The following PADI1 variants were observed in gnomAD, a reference collection of about 807,000 sequenced individuals.
PADI1 encodes the protein protein-arginine deiminase type-1.
A neutral mutation model predicts 74.8 loss-of-function variants in PADI1; 65 were observed. The observed-to-expected ratio is 0.87, with a 90% CI of 0.71 to 1.07. The LOEUF (loss-of-function observed/expected upper bound fraction) is 1.07. Among genes scored for constraint, PADI1 ranks in the 50% least tolerant of loss-of-function variants. The pLI is 0.00. For synonymous variants in PADI1, 371 were observed against 336.2 expected (o/e 1.10, Z -1.13); for missense variants, 943 against 854.0 (o/e 1.10, Z -1.30).
chr1:17,212,032 A>G (rs923168737), intron 1 of PADI1, among the ~76,000 whole-genome samples: 9 of 152,204 alleles, frequency 5.9e-5, no homozygotes, highest in African/African-American at 2.2e-4. Context: ...AGGCAGAGCC[A>G]CTGGCAGCAC....
intron 13 of PADI1, 100 bp downstream of exon 13, chr1:17,238,809 A>G (rs557752360): frequency 1.7e-5 from 9 of 518,984 alleles, no homozygotes; most frequent in African/African-American, 1.2e-4. Context: ...CTGGACTCAG[A>G]ACCCAACACC....
intron 13 of PADI1, among the ~76,000 whole-genome samples, chr1:17,239,112 C>T (rs2072719791): frequency 6.6e-6 from 1 of 152,190 alleles, no homozygotes; most frequent in Admixed American, 6.5e-5. Flanking sequence ...TTGGTCAGGG[C>T]CCCTCTGCAG....
chr1:17,208,974 A>G (rs2071762922), intron 1 of PADI1, among the ~76,000 whole-genome samples: 1 of 152,200 alleles, frequency 6.6e-6, no homozygotes, highest in African/African-American at 2.4e-5. Context: ...CAAAAGCAGC[A>G]ATGCAAGACT....
intron 1 of PADI1, among the ~76,000 whole-genome samples, chr1:17,216,696 C>G (rs1414981685): frequency 2.0e-5 from 3 of 152,020 alleles, no homozygotes; most frequent in African/African-American, 7.3e-5. Context: ...CATGGCGAAA[C>G]CCCATCTCTA....
chr1:17,226,175 G>A lies in PADI1; in HGVS notation c.652+17G>A. 1 of 1,613,572 alleles carries A rather than the reference G, an allele frequency of 6.2e-7. No individual in the cohort carries two copies. Among genetic ancestry groups the A allele is most frequent in the Non-Finnish European group, 8.5e-7 (1 of 1,179,666 alleles). ...GTGCCAGGGGTGAGTGGCCTGATGGGGCCTTTTCCTCCCAGCTCCATCCAT... is the reference window on the plus strand; with the variant it reads ...GTGCCAGGGGTGAGTGGCCTGATGGAGCCTTTTCCTCCCAGCTCCATCCAT... On this transcript the variant is annotated intron_variant, in intron 6 of 15. Coordinates refer to ENST00000375471, the MANE Select transcript of PADI1 (RefSeq NM_013358.3).
intron 1 of PADI1, among the ~76,000 whole-genome samples, chr1:17,206,911 C>T (rs978492281): frequency 6.6e-6 from 1 of 152,018 alleles, no homozygotes. Context: ...AAACTCCTGA[C>T]CTCAAGTGAT....
At chr1:17,218,795 C>T (rs545477446) in intron 1 of PADI1, among the ~76,000 whole-genome samples, 1 of 152,226 alleles carries the variant, frequency 6.6e-6, no homozygotes, top group South Asian at 2.1e-4. Flanking sequence ...CAGTGATGCC[C>T]TTGAGTAGGG....
chr1:17,237,398 C>A lies in PADI1; in HGVS notation c.1398C>A (p.Asp466Glu), dbSNP rs778979984. The part of the protein sequence containing the change: ...QVQAPVELYS[D>E]WLSVGHVDEF... ...AGGCACCCGTGGAGCTCTACTCGGA[C>A]TGGCTCTCTGTGGGCCATGTGGACG... Residue 466 changes from aspartate to glutamate, a missense_variant, in exon 12 of 16, where the codon GAC becomes GAA. Asp to Glu is a conservative substitution (Grantham distance 45). Transcript: ENST00000375471. 1.2e-6 allele frequency: 2 copies of A among 1,613,836 alleles called. No individual in the cohort carries two copies. Among genetic ancestry groups the A allele is most frequent in the South Asian group, 2.2e-5 (2 of 91,024 alleles).
intron 1 of PADI1, 28 bp downstream of exon 1, chr1:17,205,337 T>G (rs1250847302): frequency 3.8e-6 from 6 of 1,562,856 alleles, no homozygotes; most frequent in Non-Finnish European, 5.3e-6. Context: ...CTCTCCTGGC[T>G]GCAGAGAGCT....
chr1:17,240,496 T>G (rs2100530769), intron 14 of PADI1, 139 bp from the exon 15 acceptor site: 2 of 879,362 alleles, frequency 2.3e-6, no homozygotes, highest in East Asian at 2.7e-5. Flanking sequence ...CAGCAATGGT[T>G]TCTATTGCAC....
At chr1:17,232,759 T>G (rs1400416344) in intron 10 of PADI1, 60 bp from the exon 11 acceptor site, 2 of 1,506,476 alleles carry the variant, frequency 1.3e-6, no homozygotes, top group Non-Finnish European at 1.8e-6. Context: ...AAGAACTGCC[T>G]CGTCCTGTCC....
chr1:17,213,241 C>G (rs1166199444), intron 1 of PADI1, among the ~76,000 whole-genome samples: 1 of 147,908 alleles, frequency 6.8e-6, no homozygotes, highest in African/African-American at 2.5e-5. Flanking sequence ...AGCTGATCAG[C>G]TCCAAGCCTG....
At chr1:17,215,680 G>T (rs556739134) in intron 1 of PADI1, among the ~76,000 whole-genome samples, 49 of 152,228 alleles carry the variant, frequency 3.2e-4, no homozygotes, top group Middle Eastern at 3.4e-3. Flanking sequence ...CCACCTCCCC[G>T]CTGGGCAGTC....
rs2072849574 is a variant in PADI1, at chr1:17,244,699, A to G, written c.*456A>G. The G allele has an allele frequency of 2.8e-6, 1 of 351,834 alleles. No homozygotes were observed. Among genetic ancestry groups the G allele is most frequent in the Non-Finnish European group, 5.6e-6 (1 of 178,818 alleles). The allele number at this position is 351,834 out of a possible 1,614,324, so 21.8% of individuals were successfully genotyped here. On this transcript the variant is annotated 3_prime_UTR_variant, in exon 16 of 16. Transcript: ENST00000375471. ...GCCTCTGCTCTTGGAAAACTAGGAAAGGGGATCAGAAACATCCTCTCCCCG... is the reference window on the plus strand; with the variant it reads ...GCCTCTGCTCTTGGAAAACTAGGAAGGGGGATCAGAAACATCCTCTCCCCG...
intron 11 of PADI1, among the ~76,000 whole-genome samples, chr1:17,234,946 G>A (rs1390887568): frequency 2.6e-5 from 4 of 151,942 alleles, no homozygotes; most frequent in Admixed American, 6.6e-5. Context: ...GTGAAACCTC[G>A]TCTCTGCTAA....
intron 1 of PADI1, among the ~76,000 whole-genome samples, chr1:17,212,651 G>A (rs2071864485): frequency 6.6e-6 from 1 of 152,194 alleles, no homozygotes; most frequent in Non-Finnish European, 1.5e-5. Context: ...AAAAGGAAAA[G>A]CTTTCTAATT....
chr1:17,228,728 G>A lies in PADI1; in HGVS notation c.756G>A (p.Glu252=), dbSNP rs938766371. 2 of 1,614,096 alleles carry A rather than the reference G, an allele frequency of 1.2e-6. No homozygotes were observed. The highest frequency in any genetic ancestry group is 1.7e-6 in the Non-Finnish European group (2 of 1,180,038). The change falls in exon 7 of 16, where the codon GAG becomes GAA. Residue 252 remains glutamate, a synonymous_variant. Coordinates refer to ENST00000375471, the MANE Select transcript of PADI1 (RefSeq NM_013358.3). ...AGCAGGAGATCAAGTTCTATGTGGA[G>A]GGGCTGACCTTCCCCGATGCCGATT... ...PGEQEIKFYV[E]GLTFPDADFL...
At chr1:17,217,033 A>C in intron 1 of PADI1, among the ~76,000 whole-genome samples, 1 of 82,496 alleles carries the variant, frequency 1.2e-5, no homozygotes. Flanking sequence ...GAGGGAGGGG[A>C]GGAGAGGAGG....
chr1:17,243,166 C>T lies in PADI1; in HGVS notation c.1759-844C>T, dbSNP rs186121074. Among the ~76,000 whole-genome samples the T allele has an allele frequency of 2.6e-5, 4 of 152,338 alleles. No individual in the cohort carries two copies. In the East Asian group the frequency reaches 7.7e-4, roughly 29 times the overall value. On this transcript the variant is annotated intron_variant, in intron 15 of 15. Coordinates refer to ENST00000375471, the MANE Select transcript of PADI1 (RefSeq NM_013358.3). Reference sequence around the variant, plus strand: ...AACACCAAGGGTCACCCCTTATGACCTCTTGCCATCAACCTGGGCTGAGAT... The same window carrying T: ...AACACCAAGGGTCACCCCTTATGACTTCTTGCCATCAACCTGGGCTGAGAT...
Sources: allele counts gnomAD v4.1 joint callset (sites outside exome capture counted in the v4.1 genomes callset), GRCh38; gene constraint gnomAD v4.1.1; transcripts MANE v1.5; gene names NCBI Gene and HGNC (gene_info 2026-07-23, HGNC 2026-07-21).